SGK3: variants seen among roughly 807,000 people sequenced by gnomAD.
The protein encoded by SGK3 is serum/glucocorticoid regulated kinase family member 3, also known as serine/threonine-protein kinase Sgk3.
Under a neutral mutation model 68.5 loss-of-function variants are expected in SGK3, and 47 were observed. The observed-to-expected ratio is 0.69, with a 90% CI of 0.54 to 0.87. The LOEUF (loss-of-function observed/expected upper bound fraction) is 0.87. SGK3 is among the 40% of genes least tolerant of loss of function. SGK3 has a pLI of 0.00. For synonymous variants in SGK3, 181 were observed against 189.1 expected (o/e 0.96, Z 0.35); for missense variants, 479 against 575.5 (o/e 0.83, Z 1.72).
In SGK3 at chr8:66,734,380, T is replaced by C. The variant is rs1261832384; in HGVS notation, c.-122+21547T>C. On this transcript the variant is annotated intron_variant, in intron 1 of 16. Transcript: ENST00000521198. ...GGAATTTTATTTATGTGGTATACCT[T>C]GCTTAAAAATTGTAAAAATTGTTAA... is the stretch of plus-strand genomic sequence containing the variant. Among the ~76,000 whole-genome samples the C allele has an allele frequency of 2.6e-5, 4 of 152,178 alleles. No homozygotes were observed. The East Asian group carries it at 5.8e-4, about 22-fold the overall frequency.
intron 1 of SGK3, among the ~76,000 whole-genome samples, chr8:66,761,700 C>T (rs888618321): frequency 2.0e-5 from 3 of 151,592 alleles, no homozygotes; most frequent in Admixed American, 6.6e-5. Flanking sequence ...ACCCAGTTGG[C>T]GGAGGTAACA....
intron 1 of SGK3, among the ~76,000 whole-genome samples, chr8:66,726,662 G>C (rs1804991940): frequency 6.6e-6 from 1 of 151,982 alleles, no homozygotes; most frequent in African/African-American, 2.4e-5. Flanking sequence ...TTAGCTGGGT[G>C]TGGTGACATG....
intron 4 of SGK3, 100 bp from the exon 5 acceptor site, chr8:66,813,753 A>C (rs1193426646): frequency 2.0e-6 from 2 of 992,886 alleles, no homozygotes; most frequent in Non-Finnish European, 2.7e-6. Flanking sequence ...ATAGCTTCTT[A>C]ATCAAAATTC....
At chr8:66,839,955 A>G in intron 10 of SGK3, 48 bp from the exon 11 acceptor site, 2 of 1,504,502 alleles carry the variant, frequency 1.3e-6, no homozygotes, top group Non-Finnish European at 9.2e-7. Flanking sequence ...CTATGTGTGA[A>G]TGATCCTAAC....
intron 4 of SGK3, among the ~76,000 whole-genome samples, chr8:66,809,247 A>G (rs990668793): frequency 2.6e-5 from 4 of 152,178 alleles, no homozygotes; most frequent in African/African-American, 9.7e-5. Context: ...GTAGTAACCA[A>G]CACCCCTAGC....
At chr8:66,821,617 A>G (rs1318027162) in intron 5 of SGK3, among the ~76,000 whole-genome samples, 1 of 148,804 alleles carries the variant, frequency 6.7e-6, no homozygotes, top group Non-Finnish European at 1.5e-5. Flanking sequence ...GGCTCACACC[A>G]TTCTCCTGCC....
At chr8:66,821,140 C>T (rs73693607) in intron 5 of SGK3, among the ~76,000 whole-genome samples, 3,116 of 152,162 alleles carry the variant, frequency 0.02, 110 homozygotes, top group African/African-American at 0.07. Context: ...TCCCCACAGT[C>T]GTCATGAGTC....
rs59128287 is a variant in SGK3 at position 66,846,612 on chromosome 8, T to A, written c.1075-581T>A. On this transcript the variant is annotated intron_variant, in intron 14 of 16. Transcript: ENST00000521198. ...TACAGGCGTGAGCCACCACGCCTGGTCTTTATTTTTACTTTAAACCTTTAT... is the reference window on the plus strand; with the variant it reads ...TACAGGCGTGAGCCACCACGCCTGGACTTTATTTTTACTTTAAACCTTTAT... 3.9e-3 allele frequency among the ~76,000 whole-genome samples: 600 copies of A among 152,174 alleles called. 5 individuals carry two copies. Among genetic ancestry groups the A allele is most frequent in the African/African-American group, 0.014 (569 of 41,506 alleles).
chr8:66,735,379 T>G (rs1415381595), intron 1 of SGK3, among the ~76,000 whole-genome samples: 1 of 152,244 alleles, frequency 6.6e-6, no homozygotes, highest in Non-Finnish European at 1.5e-5. Flanking sequence ...ATAGCTCTCT[T>G]AAAATGACAG....
Position 66,860,713 on chromosome 8 carries a change from A to G in SGK3, c.*1132A>G, listed in dbSNP as rs1810718380. 6.6e-6 allele frequency: 1 copy of G among 152,192 alleles called. No individual in the cohort carries two copies. Among genetic ancestry groups the G allele is most frequent in the African/African-American group, 2.4e-5 (1 of 41,458 alleles). 9.4% of individuals were successfully genotyped at this position (152,192 alleles called of 1,614,324 possible). On this transcript the variant is annotated 3_prime_UTR_variant, in exon 17 of 17. Transcript: ENST00000521198. ...TCTTTTGAATGTTTAGTATGCTATT[A>G]AGTCATTCTGAATCTTTGTATTTGC...
At chr8:66,857,851 TAG>T (rs1810587511) in intron 16 of SGK3, among the ~76,000 whole-genome samples, 1 of 131,802 alleles carries the variant, frequency 7.6e-6, no homozygotes, top group Admixed American at 7.8e-5. Flanking sequence ...GTAGGAAAGG[TAG>T]AGTCTATTAG....
intron 4 of SGK3, among the ~76,000 whole-genome samples, chr8:66,811,510 G>A (rs1401155384): frequency 6.6e-6 from 1 of 152,042 alleles, no homozygotes; most frequent in Non-Finnish European, 1.5e-5. Flanking sequence ...TGCAAACTTA[G>A]TGTTGATCTA....
chr8:66,760,374 A>T (rs1406128628), intron 1 of SGK3, among the ~76,000 whole-genome samples: 2 of 122,718 alleles, frequency 1.6e-5, no homozygotes, highest in Non-Finnish European at 3.2e-5. Flanking sequence ...TTGCCCTGTC[A>T]CCCAGGCTGG....
At chr8:66,791,340 G>A (rs1807445100) in intron 1 of SGK3, among the ~76,000 whole-genome samples, 1 of 152,164 alleles carries the variant, frequency 6.6e-6, no homozygotes, top group Non-Finnish European at 1.5e-5. Flanking sequence ...CTGGACATGT[G>A]GCTGGGTGGA....
chr8:66,794,022 G>C (rs554748594), intron 2 of SGK3, among the ~76,000 whole-genome samples, 190 bp downstream of exon 2: 2 of 152,116 alleles, frequency 1.3e-5, no homozygotes, highest in East Asian at 3.9e-4. Context: ...TCCTTTTTTA[G>C]TGTCTCTTTA....
rs116409372 is a variant in SGK3, at chr8:66,733,522, C to T, written c.-122+20689C>T. ...TAAAAATGCTTGACATAATGAAGGG[C>T]ACAAAGTAGCCATTTGATAAATAAA... is the stretch of plus-strand genomic sequence containing the variant. On this transcript the variant is annotated intron_variant, in intron 1 of 16. Transcript: ENST00000521198. Among the ~76,000 whole-genome samples, 411 of 152,206 alleles carry T rather than the reference C, an allele frequency of 2.7e-3. 2 individuals are homozygous for T. The highest frequency in any genetic ancestry group is 9.3e-3 in the African/African-American group (387 of 41,532).
chr8:66,807,844 A>C (rs1030794576), intron 4 of SGK3, among the ~76,000 whole-genome samples: 1 of 152,260 alleles, frequency 6.6e-6, no homozygotes, highest in African/African-American at 2.4e-5. Context: ...GTATTGTGAC[A>C]CAATTTTTAA....
At chr8:66,817,535 T>C (rs1352469674) in intron 5 of SGK3, among the ~76,000 whole-genome samples, 1 of 151,908 alleles carries the variant, frequency 6.6e-6, no homozygotes, top group Non-Finnish European at 1.5e-5. Flanking sequence ...GTATTTTTAA[T>C]GAAGACAGGG....
chr8:66,794,647 TCTTA>T (rs1276011048), intron 2 of SGK3, among the ~76,000 whole-genome samples: 1 of 152,190 alleles, frequency 6.6e-6, no homozygotes, highest in Non-Finnish European at 1.5e-5. Context: ...GCTTAGCCTC[TCTTA>T]CTTCTACTTT....
Sources: allele counts gnomAD v4.1 joint callset (sites outside exome capture counted in the v4.1 genomes callset), GRCh38; gene constraint gnomAD v4.1.1; transcripts MANE v1.5; gene names NCBI Gene and HGNC (gene_info 2026-07-23, HGNC 2026-07-21).